Variants in NRXN3 observed in about 807,000 individuals in gnomAD.
The protein encoded by NRXN3 is neurexin III.
NRXN3 carries 32 observed loss-of-function variants against 137.6 expected under a neutral mutation model. That is an observed-to-expected ratio of 0.23 (90% CI 0.18 to 0.31). The LOEUF is 0.31. Among genes scored for constraint, NRXN3 ranks in the 10% least tolerant of loss-of-function variants. The pLI, the probability that NRXN3 is intolerant of heterozygous loss-of-function variation, is 1.00. For synonymous variants in NRXN3, 798 were observed against 784.5 expected (o/e 1.02, Z -0.29); for missense variants, 1,574 against 2,062.5 (o/e 0.76, Z 4.59).
In NRXN3 at chr14:79,774,863, G is replaced by A. The variant is rs563347828; in HGVS notation, c.4015-30249G>A. ...GGCAAATACGTGAGATGAGCAATTAGTGAAATTCTGGAAGGGACAGATTTA... is the reference window on the plus strand; with the variant it reads ...GGCAAATACGTGAGATGAGCAATTAATGAAATTCTGGAAGGGACAGATTTA... On this transcript the variant is annotated intron_variant, in intron 19 of 20. Coordinates refer to ENST00000335750, the MANE Select transcript of NRXN3 (RefSeq NM_001330195.2). 3.1e-4 allele frequency among the ~76,000 whole-genome samples: 47 copies of A among 152,192 alleles called. No homozygotes were observed. The East Asian group carries it at 8.1e-3, about 26-fold the overall frequency.
intron 10 of NRXN3, among the ~76,000 whole-genome samples, chr14:78,919,660 T>TA (rs1251882810): frequency 3.9e-5 from 6 of 152,356 alleles, no homozygotes; most frequent in Middle Eastern, 3.4e-3. Context: ...TTCTAATGCA[T>TA]GTTTTATAGA....
intron 4 of NRXN3, among the ~76,000 whole-genome samples, chr14:78,515,318 C>T (rs2096186357): frequency 6.6e-6 from 1 of 152,146 alleles, no homozygotes; most frequent in Admixed American, 6.5e-5. Context: ...ATGCTCTTTA[C>T]ATAGTCTCCC....
At chr14:78,401,535 G>A (rs2092060727) in intron 4 of NRXN3, among the ~76,000 whole-genome samples, 1 of 152,112 alleles carries the variant, frequency 6.6e-6, no homozygotes, top group Non-Finnish European at 1.5e-5. Flanking sequence ...AAGCAAAAAG[G>A]CCTAAGTTAG....
In NRXN3 at chr14:78,815,044, A is replaced by T. The variant is rs551878287; in HGVS notation, c.2275+4700A>T. Among the ~76,000 whole-genome samples the T allele has an allele frequency of 2.6e-5, 4 of 152,212 alleles. No homozygotes were observed. In the East Asian group the frequency reaches 7.7e-4, roughly 29 times the overall value. The stretch of plus-strand genomic sequence containing the variant: ...CTTCTGTGTTGTGGCCATCTTCATT[A>T]TCTTTCTAAAATGGAGTGTATATGT... On this transcript the variant is annotated intron_variant, in intron 10 of 20. Transcript: ENST00000335750.
chr14:78,353,403 C>A (rs1368635358), intron 4 of NRXN3, among the ~76,000 whole-genome samples: 1 of 152,112 alleles, frequency 6.6e-6, no homozygotes, highest in Non-Finnish European at 1.5e-5. Context: ...CTGGTGAGGG[C>A]CTGCTTTCTG....
chr14:78,890,458 A>G (rs993487648), intron 10 of NRXN3, among the ~76,000 whole-genome samples: 19 of 151,872 alleles, frequency 1.3e-4, no homozygotes, highest in African/African-American at 4.3e-4. Flanking sequence ...CAAAGGTTTA[A>G]CTGTAGGTGG....
At chr14:79,203,812 A>G (rs1038061531) in intron 15 of NRXN3, among the ~76,000 whole-genome samples, 3 of 152,200 alleles carry the variant, frequency 2.0e-5, no homozygotes, top group African/African-American at 7.2e-5. Context: ...TTATTAGCAG[A>G]TAGTAGGTGC....
At chr14:78,804,246 G>A (rs1004707868) in intron 9 of NRXN3, among the ~76,000 whole-genome samples, 1 of 152,148 alleles carries the variant, frequency 6.6e-6, no homozygotes, top group Non-Finnish European at 1.5e-5. Flanking sequence ...TGGGGTTGTA[G>A]GAAATTAAAC....
At chr14:79,145,523 G>T (rs183766893) in intron 15 of NRXN3, among the ~76,000 whole-genome samples, 86 of 152,150 alleles carry the variant, frequency 5.7e-4, no homozygotes, top group African/African-American at 1.8e-3. Flanking sequence ...TTAATGAGCC[G>T]TTGTAGAGCC....
chr14:79,559,740 G>A (rs1473582183), intron 16 of NRXN3, among the ~76,000 whole-genome samples: 1 of 152,104 alleles, frequency 6.6e-6, no homozygotes, highest in Non-Finnish European at 1.5e-5. Flanking sequence ...TATCTACAAA[G>A]TGCAATAAAG....
chr14:79,532,186 A>G (rs1396974327), intron 16 of NRXN3, among the ~76,000 whole-genome samples: 1 of 152,196 alleles, frequency 6.6e-6, no homozygotes, highest in African/African-American at 2.4e-5. Context: ...ATTAGCATTT[A>G]TAGCATATAT....
At chr14:79,603,522 T>G (rs2097954698) in intron 16 of NRXN3, among the ~76,000 whole-genome samples, 1 of 152,252 alleles carries the variant, frequency 6.6e-6, no homozygotes, top group Non-Finnish European at 1.5e-5. Context: ...GCAAAATATT[T>G]ATTCCTTTTC....
chr14:78,849,675 T>C (rs2099037330), intron 10 of NRXN3, among the ~76,000 whole-genome samples: 1 of 152,140 alleles, frequency 6.6e-6, no homozygotes. Context: ...TATCTCAAGC[T>C]GTTTCTCTCT....
At chr14:79,160,454 GC>G (rs2060653507) in intron 15 of NRXN3, among the ~76,000 whole-genome samples, 1 of 151,876 alleles carries the variant, frequency 6.6e-6, no homozygotes, top group Non-Finnish European at 1.5e-5. Flanking sequence ...GTGTGATTGT[GC>G]TTGCAGAGCA....
chr14:78,464,155 C>A (rs1458216578), intron 4 of NRXN3, among the ~76,000 whole-genome samples: 1 of 151,454 alleles, frequency 6.6e-6, no homozygotes, highest in African/African-American at 2.4e-5. Context: ...TGGGTTCAAG[C>A]GATTCTCCAG....
At chr14:78,290,205 T>C (rs1268046960) in intron 3 of NRXN3, among the ~76,000 whole-genome samples, 1 of 152,354 alleles carries the variant, frequency 6.6e-6, no homozygotes, top group African/African-American at 2.4e-5. Flanking sequence ...AGGATTGCAC[T>C]TAAGTGCCAA....
intron 15 of NRXN3, among the ~76,000 whole-genome samples, chr14:79,388,102 T>TA (rs140057318): frequency 0.036 from 5,362 of 149,134 alleles, 296 homozygotes; most frequent in African/African-American, 0.12. Flanking sequence ...TAAAGTATAA[T>TA]AAAAAAAAAA....
rs570465530 is a variant in NRXN3, at chr14:79,078,517, A to G, written c.3262+90376A>G. On this transcript the variant is annotated intron_variant, in intron 15 of 20. Coordinates refer to ENST00000335750, the MANE Select transcript of NRXN3 (RefSeq NM_001330195.2). ...TAAACCATTTTAACTCTATCCATGCATGAGGACACTAAGTAAGATGAAGCT... is the reference window on the plus strand; with the variant it reads ...TAAACCATTTTAACTCTATCCATGCGTGAGGACACTAAGTAAGATGAAGCT... Among the ~76,000 whole-genome samples the G allele has an allele frequency of 2.6e-5, 4 of 152,330 alleles. No individual in the cohort carries two copies. In the East Asian group the frequency reaches 5.8e-4, roughly 22 times the overall value.
intron 3 of NRXN3, among the ~76,000 whole-genome samples, chr14:78,293,660 G>A (rs2153520991): frequency 6.6e-6 from 1 of 152,216 alleles, no homozygotes. Flanking sequence ...CTCGTTCACA[G>A]TATTGCAAAA....
Sources: allele counts gnomAD v4.1 joint callset (sites outside exome capture counted in the v4.1 genomes callset), GRCh38; gene constraint gnomAD v4.1.1; transcripts MANE v1.5; gene names NCBI Gene and HGNC (gene_info 2026-07-23, HGNC 2026-07-21).